SH3BGRL2: variants seen among roughly 807,000 people sequenced by gnomAD.
The protein encoded by SH3BGRL2 is SH3 domain binding glutamate rich protein like 2.
In SH3BGRL2, 21 loss-of-function variants were observed where a neutral mutation model predicts 14.8. The observed-to-expected ratio is 1.42, with a 90% confidence interval of 1.01 to 2.05. The LOEUF (loss-of-function observed/expected upper bound fraction) is 2.05. Among genes scored for constraint, SH3BGRL2 ranks in the 30% most tolerant of loss-of-function variants. The pLI, the probability that SH3BGRL2 is intolerant of heterozygous loss-of-function variation, is 0.00. For missense variants in SH3BGRL2, 147 were observed against 130.8 expected, an observed-to-expected ratio of 1.12 and a Z score of -0.61; for synonymous variants, 50 against 47.8, an observed-to-expected ratio of 1.05 and a Z score of -0.19.
At chr6:79,571,457 A>G in the SH3BGRL2 span, among the ~76,000 whole-genome samples, 2 of 152,244 alleles carry the variant, frequency 1.3e-5, no homozygotes, top group Non-Finnish European at 2.9e-5. Context: ...ACTGACAAAT[A>G]ACCTAGACAG....
chr6:79,600,967 A>G, the SH3BGRL2 span, among the ~76,000 whole-genome samples: 2 of 152,116 alleles, frequency 1.3e-5, no homozygotes, highest in African/African-American at 4.8e-5. Context: ...GATACTTAAA[A>G]TCATCTCAGG....
At chr6:79,609,712 T>C in the SH3BGRL2 span, among the ~76,000 whole-genome samples, 4 of 152,214 alleles carry the variant, frequency 2.6e-5, no homozygotes, top group Non-Finnish European at 5.9e-5. Flanking sequence ...TACATAGCTA[T>C]ATTCCCATTA....
At chr6:79,567,643 T>C in the SH3BGRL2 span, among the ~76,000 whole-genome samples, 1 of 152,254 alleles carries the variant, frequency 6.6e-6, no homozygotes, top group Non-Finnish European at 1.5e-5. Flanking sequence ...AATTTACTTA[T>C]ACTTTTTAAA....
chr6:79,663,807 C>T (rs1184251339), intron 1 of SH3BGRL2, among the ~76,000 whole-genome samples: 2 of 152,234 alleles, frequency 1.3e-5, no homozygotes, highest in Non-Finnish European at 2.9e-5. Flanking sequence ...CCCTGCTGAG[C>T]TGTGGTGGGC....
At chr6:79,692,176 A>G (rs1448978694) in intron 2 of SH3BGRL2, among the ~76,000 whole-genome samples, 3 of 152,174 alleles carry the variant, frequency 2.0e-5, no homozygotes, top group East Asian at 3.8e-4. Context: ...GTCTGTTTAT[A>G]TCCTTCGCCC....
the SH3BGRL2 span, among the ~76,000 whole-genome samples, chr6:79,542,302 T>G: frequency 1.3e-5 from 2 of 151,646 alleles, no homozygotes; most frequent in Middle Eastern, 3.2e-3. Flanking sequence ...GGTTTCACTC[T>G]TGTTGCCCAG....
the SH3BGRL2 span, among the ~76,000 whole-genome samples, chr6:79,541,690 T>A: frequency 6.6e-6 from 1 of 152,198 alleles, no homozygotes; most frequent in African/African-American, 2.4e-5. Flanking sequence ...CGGGAAAGAA[T>A]ATGATAAAGT....
the SH3BGRL2 span, among the ~76,000 whole-genome samples, chr6:79,547,318 A>G: frequency 1.3e-5 from 2 of 152,020 alleles, no homozygotes; most frequent in African/African-American, 4.8e-5. Flanking sequence ...AAAGAGCACA[A>G]CCCAGAGATG....
chr6:79,600,302 A>C, the SH3BGRL2 span, among the ~76,000 whole-genome samples: 2 of 152,226 alleles, frequency 1.3e-5, no homozygotes, highest in South Asian at 4.1e-4. Context: ...CTCCCATGCC[A>C]CTGGCCCAGA....
At chr6:79,694,039 A>T (rs1479348115) in intron 2 of SH3BGRL2, among the ~76,000 whole-genome samples, 2 of 152,320 alleles carry the variant, frequency 1.3e-5, no homozygotes, top group South Asian at 2.1e-4. Context: ...GGAGTGGAAG[A>T]TCATGAATTG....
intron 2 of SH3BGRL2, among the ~76,000 whole-genome samples, chr6:79,696,009 A>G (rs1438839852): frequency 6.6e-6 from 1 of 152,230 alleles, no homozygotes; most frequent in Non-Finnish European, 1.5e-5. Context: ...AAGAATGTGG[A>G]AAACTTCAGA....
chr6:79,650,769 A>G (rs563811354), intron 1 of SH3BGRL2, among the ~76,000 whole-genome samples: 22 of 152,242 alleles, frequency 1.4e-4, no homozygotes, highest in Non-Finnish European at 2.4e-4. Flanking sequence ...TCAAATTTCA[A>G]TGTGGGATTT....
chr6:79,609,767 G>A, the SH3BGRL2 span, among the ~76,000 whole-genome samples: 1 of 152,138 alleles, frequency 6.6e-6, no homozygotes, highest in Non-Finnish European at 1.5e-5. Context: ...TCTCAGCCTG[G>A]TCACCTTTAT....
upstream of SH3BGRL2, among the ~76,000 whole-genome samples, chr6:79,630,457 T>TA (rs561267330): frequency 1.4e-3 from 213 of 152,362 alleles, 2 homozygotes; most frequent in African/African-American, 4.9e-3. Context: ...AAGCACTTGA[T>TA]AAAAAACTAT....
the SH3BGRL2 span, among the ~76,000 whole-genome samples, chr6:79,590,923 G>A: frequency 0.044 from 6,724 of 152,192 alleles, 184 homozygotes; most frequent in Middle Eastern, 0.085. Flanking sequence ...TGCAAATAGT[G>A]TTAAGTATAT....
At chr6:79,693,081 T>C (rs1469608038) in intron 2 of SH3BGRL2, among the ~76,000 whole-genome samples, 1 of 151,492 alleles carries the variant, frequency 6.6e-6, no homozygotes, top group Non-Finnish European at 1.5e-5. Flanking sequence ...ACATCCCTTG[T>C]AAGTTGGATT....
the SH3BGRL2 span, among the ~76,000 whole-genome samples, chr6:79,608,330 A>G: frequency 6.6e-6 from 1 of 152,210 alleles, no homozygotes; most frequent in Non-Finnish European, 1.5e-5. Flanking sequence ...CTGGCTTCCT[A>G]GAGGGACAGT....
At chr6:79,691,160 A>G (rs528475715) in intron 2 of SH3BGRL2, among the ~76,000 whole-genome samples, 20 of 152,166 alleles carry the variant, frequency 1.3e-4, no homozygotes, top group Middle Eastern at 3.4e-3. Flanking sequence ...TCTCAACAAC[A>G]ACAAAAAAGA....
chr6:79,606,475 T>G, the SH3BGRL2 span, among the ~76,000 whole-genome samples: 14 of 152,310 alleles, frequency 9.2e-5, no homozygotes, highest in East Asian at 2.7e-3. Context: ...TGCTGGGTAG[T>G]ACAACTGGGA....
Sources: allele counts gnomAD v4.1 joint callset (sites outside exome capture counted in the v4.1 genomes callset), GRCh38; gene constraint gnomAD v4.1.1; transcripts MANE v1.5; gene names NCBI Gene and HGNC (gene_info 2026-07-23, HGNC 2026-07-21).